Variants in LRBA observed in about 807,000 individuals in gnomAD.
LRBA encodes the protein LPS responsive beige-like anchor protein, also known as lipopolysaccharide-responsive and beige-like anchor protein.
A neutral mutation model predicts 330.0 loss-of-function variants in LRBA; 176 were observed. The observed-to-expected ratio is 0.53, with a 90% CI of 0.47 to 0.60. The LOEUF (loss-of-function observed/expected upper bound fraction) is 0.60. Ranked by LOEUF, LRBA falls within the 20% of genes least tolerant of loss-of-function variation. The probability of loss-of-function intolerance (pLI) is 0.00; values close to 1 mark genes in which losing one functional copy is unlikely to be tolerated. For missense variants in LRBA, 3,259 were observed against 3,444.8 expected (o/e 0.95, Z 1.35); for synonymous variants, 1,230 against 1,193.0 (o/e 1.03, Z -0.64).
At chr4:150,441,740 C>T (rs1751866877) in intron 44 of LRBA, among the ~76,000 whole-genome samples, 1 of 151,960 alleles carries the variant, frequency 6.6e-6, no homozygotes, top group African/African-American at 2.4e-5. Context: ...ATTTAGAAGA[C>T]TCAAACCTAG....
At chr4:150,411,184 T>C (rs996235669) in intron 47 of LRBA, among the ~76,000 whole-genome samples, 1 of 152,062 alleles carries the variant, frequency 6.6e-6, no homozygotes, top group Admixed American at 6.6e-5. Flanking sequence ...TTTAGGTGAG[T>C]TTTCCTTCTA....
rs539813100 is a variant in LRBA at position 151,014,952 on chromosome 4, A to C, written c.-219-91T>G. The C allele has an allele frequency of 1.2e-5, 3 of 257,122 alleles. No homozygotes were observed. In the East Asian group the frequency reaches 2.2e-4, roughly 19 times the overall value. 15.9% of individuals were successfully genotyped at this position (257,122 alleles called of 1,614,324 possible). ...GGGAAATAGTTATTGTCGGTCAAGT[A>C]AGTTACTAAAGGCACCCCACTACTA... is the stretch of plus-strand genomic sequence containing the variant. On this transcript the variant is annotated intron_variant, in intron 1 of 56. Transcript: ENST00000651943.
chr4:150,418,023 T>G (rs906773499), intron 46 of LRBA, among the ~76,000 whole-genome samples: 6 of 151,556 alleles, frequency 4.0e-5, no homozygotes, highest in South Asian at 2.1e-4. Context: ...TTTTTTGTTT[T>G]TTTTTTTTTT....
chr4:150,344,749 C>T (rs572696226), intron 48 of LRBA, among the ~76,000 whole-genome samples: 19 of 152,228 alleles, frequency 1.2e-4, no homozygotes, highest in Admixed American at 5.2e-4. Flanking sequence ...TGAAGTCTTG[C>T]TATGTTGCCC....
At chr4:150,593,464 G>C (rs577034324) in intron 38 of LRBA, among the ~76,000 whole-genome samples, 1 of 152,150 alleles carries the variant, frequency 6.6e-6, no homozygotes, top group Non-Finnish European at 1.5e-5. Context: ...ATTAGAGTCA[G>C]GATTTAAAAA....
rs147114456 is a variant in LRBA at position 150,411,516 on chromosome 4, C to T, written c.7194+3922G>A. ...GAGTATTGTATAATCTGTTATTATT[C>T]ACTGTCCTATAGATCATCTGTTCTT... On this transcript the variant is annotated intron_variant, in intron 47 of 56. Transcript: ENST00000651943. 2.3e-3 allele frequency among the ~76,000 whole-genome samples: 353 copies of T among 152,256 alleles called. 7 individuals carry two copies. The highest frequency in any genetic ancestry group is 2.3e-3 in the East Asian group (12 of 5,186).
At chr4:150,417,332 G>A (rs917940196) in intron 46 of LRBA, among the ~76,000 whole-genome samples, 8 of 151,962 alleles carry the variant, frequency 5.3e-5, no homozygotes, top group Non-Finnish European at 1.0e-4. Flanking sequence ...ATTTGCCCAA[G>A]TGTGTATTCA....
At chr4:150,896,253 T>G in intron 16 of LRBA, 141 bp downstream of exon 16, 1 of 502,940 alleles carries the variant, frequency 2.0e-6, no homozygotes, top group Non-Finnish European at 3.5e-6. Context: ...TAAAGATTGC[T>G]AGGGCTTAGT....
At chr4:150,513,862 A>G (rs552531528) in intron 40 of LRBA, among the ~76,000 whole-genome samples, 1 of 152,296 alleles carries the variant, frequency 6.6e-6, no homozygotes, top group South Asian at 2.1e-4. Flanking sequence ...TTTTGGGGAA[A>G]TACACATCAG....
At chr4:150,751,399 A>G (rs1237727236) in intron 35 of LRBA, among the ~76,000 whole-genome samples, 1 of 152,072 alleles carries the variant, frequency 6.6e-6, no homozygotes, top group Non-Finnish European at 1.5e-5. Context: ...AAATATTAAA[A>G]TGACTTCAAA....
rs115881911 is a variant in LRBA at position 150,712,818 on chromosome 4, A to G, written c.5754+22440T>C. Reference sequence around the variant, plus strand: ...AAACCCAAAGAGATTCCTACTTAATAAGCAAAATAAGGAGTGGTTCTTTTC... The same window carrying G: ...AAACCCAAAGAGATTCCTACTTAATGAGCAAAATAAGGAGTGGTTCTTTTC... On this transcript the variant is annotated intron_variant, in intron 36 of 56. Coordinates refer to ENST00000651943, the MANE Select transcript of LRBA (RefSeq NM_001364905.1). 4.2e-3 allele frequency among the ~76,000 whole-genome samples: 646 copies of G among 152,312 alleles called. 4 individuals are homozygous for G. The highest frequency in any genetic ancestry group is 0.015 in the African/African-American group (625 of 41,578).
intron 40 of LRBA, among the ~76,000 whole-genome samples, chr4:150,584,901 A>G (rs1442069062): frequency 6.6e-6 from 1 of 152,198 alleles, no homozygotes; most frequent in South Asian, 2.1e-4. Flanking sequence ...TTACTCAACT[A>G]TAATATATAT....
Position 150,322,878 on chromosome 4 carries a change from CCAGA to C in LRBA, c.7453-1514_7453-1511del, listed in dbSNP as rs1202293823. Among the ~76,000 whole-genome samples the C allele has an allele frequency of 3.3e-5, 5 of 152,244 alleles. 1 individual carries two copies. In the East Asian group the frequency reaches 9.6e-4, roughly 29 times the overall value. ...GGGGGATACAGCAACAGCAGCAAAA[CCAGA>C]CAAATAGGCAGCCTTCGTGTGCCTG... On this transcript the variant is annotated intron_variant, in intron 49 of 56. Coordinates refer to ENST00000651943, the MANE Select transcript of LRBA (RefSeq NM_001364905.1).
chr4:150,604,722 C>T (rs890793021), intron 37 of LRBA, among the ~76,000 whole-genome samples: 1 of 152,140 alleles, frequency 6.6e-6, no homozygotes, highest in African/African-American at 2.4e-5. Context: ...ATAACATGCC[C>T]TGGAGTTATG....
chr4:150,344,059 T>G (rs938005102), intron 48 of LRBA, among the ~76,000 whole-genome samples: 1 of 152,212 alleles, frequency 6.6e-6, no homozygotes, highest in African/African-American at 2.4e-5. Flanking sequence ...CAGAGCTTGA[T>G]AGTGTATTAC....
intron 34 of LRBA, 81 bp from the exon 35 acceptor site, chr4:150,761,928 T>A: frequency 1.4e-6 from 1 of 735,708 alleles, no homozygotes; most frequent in South Asian, 1.8e-5. Context: ...ATGAAAAATA[T>A]CACCCATATC....
intron 28 of LRBA, among the ~76,000 whole-genome samples, chr4:150,838,128 T>C (rs1748446455): frequency 6.6e-6 from 1 of 152,218 alleles, no homozygotes; most frequent in South Asian, 2.1e-4. Context: ...CCCCACTCTC[T>C]TCTGGCTTGT....
At chr4:150,504,361 C>T (rs1581514817) in intron 40 of LRBA, among the ~76,000 whole-genome samples, 1 of 152,286 alleles carries the variant, frequency 6.6e-6, no homozygotes, top group Middle Eastern at 3.4e-3. Context: ...GGGTTACCCA[C>T]AAAGGGAAGC....
intron 36 of LRBA, among the ~76,000 whole-genome samples, chr4:150,729,006 T>C (rs762793900): frequency 1.3e-5 from 2 of 152,118 alleles, no homozygotes; most frequent in Admixed American, 6.6e-5. Flanking sequence ...AAAGTTGCAG[T>C]ATACAAAAAC....
Sources: allele counts gnomAD v4.1 joint callset (sites outside exome capture counted in the v4.1 genomes callset), GRCh38; gene constraint gnomAD v4.1.1; transcripts MANE v1.5; gene names NCBI Gene and HGNC (gene_info 2026-07-23, HGNC 2026-07-21).